Variants in CNKSR3 observed in about 807,000 individuals in gnomAD.
CNKSR3 encodes the protein CNKSR family member 3.
In CNKSR3, 36 loss-of-function variants were observed where a neutral mutation model predicts 67.7. The observed-to-expected ratio is 0.53, with a 90% CI of 0.41 to 0.70. The LOEUF is 0.70. Ranked by LOEUF, CNKSR3 falls within the 30% of genes least tolerant of loss-of-function variation. CNKSR3 has a pLI of 0.00. For missense variants in CNKSR3, 630 were observed against 695.2 expected (o/e 0.91, Z 1.05); for synonymous variants, 281 against 271.4 (o/e 1.04, Z -0.35).
intron 2 of CNKSR3, among the ~76,000 whole-genome samples, chr6:154,447,858 T>TTA (rs1785739217): frequency 6.6e-6 from 1 of 152,246 alleles, no homozygotes; most frequent in Non-Finnish European, 1.5e-5. Context: ...CATCACCAAT[T>TTA]TATATATCCA....
chr6:154,420,516 C>G (rs1439139222), intron 9 of CNKSR3, among the ~76,000 whole-genome samples: 1 of 151,210 alleles, frequency 6.6e-6, no homozygotes, highest in African/African-American at 2.4e-5. Flanking sequence ...GGTGAAACCC[C>G]GTCTCTACTA....
chr6:154,510,018 A>G, intron 1 of CNKSR3, 45 bp downstream of exon 1: 1 of 1,608,562 alleles, frequency 6.2e-7, no homozygotes, highest in East Asian at 2.2e-5. Flanking sequence ...CGTCCGCCCC[A>G]TCCCCGAGGC....
At chr6:154,447,241 AT>A (rs1582868226) in intron 2 of CNKSR3, among the ~76,000 whole-genome samples, 1 of 152,162 alleles carries the variant, frequency 6.6e-6, no homozygotes, top group East Asian at 1.9e-4. Flanking sequence ...GTGCTGTCCA[AT>A]ATCGTAGCCA....
At position 154,441,997 on chromosome 6, in the gene CNKSR3, T is replaced by C. The variant is rs1785601608; in HGVS notation, c.419+91A>G. On this transcript the variant is annotated intron_variant, in intron 3 of 12. Coordinates refer to ENST00000607772, the MANE Select transcript of CNKSR3 (RefSeq NM_173515.4). ...GGTAAAAATGATATGAAAAGAACAATGGTTCCTTTTCCTAAGACAAAGTAC... is the reference window on the plus strand; with the variant it reads ...GGTAAAAATGATATGAAAAGAACAACGGTTCCTTTTCCTAAGACAAAGTAC... 3.3e-6 allele frequency: 4 copies of C among 1,194,856 alleles called. No individual in the cohort carries two copies. In the Admixed American group the frequency reaches 1.0e-4, roughly 31 times the overall value. The allele number at this position is 1,194,856 out of a possible 1,614,324, so 74.0% of individuals were successfully genotyped here. A position where few individuals can be genotyped will look rare whatever the true frequency, so the allele number is the denominator to read the frequency against.
At chr6:154,451,308 T>A (rs1785820959) in intron 1 of CNKSR3, among the ~76,000 whole-genome samples, 1 of 152,238 alleles carries the variant, frequency 6.6e-6, no homozygotes, top group African/African-American at 2.4e-5. Context: ...AATCAATTGA[T>A]CTATTGAAGC....
At chr6:154,485,144 T>C (rs1786642328) in intron 1 of CNKSR3, among the ~76,000 whole-genome samples, 1 of 152,214 alleles carries the variant, frequency 6.6e-6, no homozygotes, top group Non-Finnish European at 1.5e-5. Flanking sequence ...TAAAATATGA[T>C]GTACATGAAT....
At chr6:154,427,985 A>T in intron 7 of CNKSR3, 143 bp downstream of exon 7, 1 of 632,742 alleles carries the variant, frequency 1.6e-6, no homozygotes, top group Non-Finnish European at 2.9e-6. Flanking sequence ...GCAGTACTCT[A>T]TCAACAGAAA....
intron 1 of CNKSR3, among the ~76,000 whole-genome samples, chr6:154,454,104 C>G (rs113014210): frequency 0.059 from 6,791 of 114,920 alleles, 214 homozygotes; most frequent in East Asian, 0.11. Context: ...CACACACACA[C>G]AGAGAGAGAG....
intron 1 of CNKSR3, among the ~76,000 whole-genome samples, chr6:154,454,375 A>G (rs1277182828): frequency 1.3e-5 from 2 of 152,090 alleles, no homozygotes; most frequent in Admixed American, 1.3e-4. Context: ...CAGGTCCTCA[A>G]TTTTCTAAAT....
rs1393506118 is a variant in CNKSR3, at chr6:154,390,936, G to T, written c.*15418C>A. ...CTGCCTCAGCCTCCCAAGTAGCTGG[G>T]ATTACAGGCACATGCCACCACGCCC... On this transcript the variant is annotated 3_prime_UTR_variant, in exon 13 of 13. Coordinates refer to ENST00000607772, the MANE Select transcript of CNKSR3 (RefSeq NM_173515.4). The T allele has an allele frequency of 6.6e-6, 1 of 151,808 alleles. No homozygotes were observed. Among genetic ancestry groups the T allele is most frequent in the African/African-American group, 2.4e-5 (1 of 41,230 alleles). The allele number at this position is 151,808 out of a possible 1,614,324, so 9.4% of individuals were successfully genotyped here.
chr6:154,465,068 G>A (rs1052261257), intron 1 of CNKSR3, among the ~76,000 whole-genome samples: 1 of 151,294 alleles, frequency 6.6e-6, no homozygotes, highest in Non-Finnish European at 1.5e-5. Context: ...TTGAACCTGG[G>A]AGGCGGAGGT....
intron 9 of CNKSR3, among the ~76,000 whole-genome samples, chr6:154,415,789 G>C (rs1403126103): frequency 1.3e-5 from 2 of 152,168 alleles, no homozygotes; most frequent in Non-Finnish European, 2.9e-5. Flanking sequence ...GGCTGAGTTT[G>C]AACTATGATA....
chr6:154,412,216 C>T (rs775277763), intron 10 of CNKSR3, among the ~76,000 whole-genome samples: 2 of 152,220 alleles, frequency 1.3e-5, no homozygotes, highest in Non-Finnish European at 2.9e-5. Flanking sequence ...AAATATATCT[C>T]CTTCCATACC....
intron 9 of CNKSR3, 95 bp downstream of exon 9, chr6:154,422,411 C>A: frequency 8.0e-7 from 1 of 1,250,516 alleles, no homozygotes; most frequent in Non-Finnish European, 1.1e-6. Context: ...CTCCTGAAAC[C>A]AATCAATCAC....
rs1784634878 is a variant in CNKSR3 at position 154,394,145 on chromosome 6, A to G, written c.*12209T>C. 6.6e-6 allele frequency: 1 copy of G among 152,236 alleles called. No homozygotes were observed. Among genetic ancestry groups the G allele is most frequent in the African/African-American group, 2.4e-5 (1 of 41,450 alleles). The allele number at this position is 152,236 out of a possible 1,614,324, so 9.4% of individuals were successfully genotyped here. A position where few individuals can be genotyped will look rare whatever the true frequency, so the allele number is the denominator to read the frequency against. ...GCGATTATCCCACCTCAGCCTCCCA[A>G]ATAGCTGGGACCACAGGTGTACACC... On this transcript the variant is annotated 3_prime_UTR_variant, in exon 13 of 13. Coordinates refer to ENST00000607772, the MANE Select transcript of CNKSR3 (RefSeq NM_173515.4).
intron 1 of CNKSR3, among the ~76,000 whole-genome samples, chr6:154,465,038 G>A (rs904775563): frequency 1.3e-5 from 2 of 151,524 alleles, no homozygotes; most frequent in African/African-American, 4.9e-5. Context: ...CTACTCGGGA[G>A]GCTGAGGCAG....
intron 9 of CNKSR3, among the ~76,000 whole-genome samples, chr6:154,422,241 C>T (rs530523593): frequency 6.6e-6 from 1 of 152,310 alleles, no homozygotes; most frequent in African/African-American, 2.4e-5. Flanking sequence ...ATCCGCCCGC[C>T]TCAGCCTCCC....
At chr6:154,505,376 G>T (rs1015973852) in intron 1 of CNKSR3, among the ~76,000 whole-genome samples, 2 of 151,620 alleles carry the variant, frequency 1.3e-5, no homozygotes, top group African/African-American at 4.8e-5. Flanking sequence ...CTTGGTTGGT[G>T]ATGGGGACTG....
chr6:154,427,970 G>C lies in CNKSR3; in HGVS notation c.729+158C>G, dbSNP rs145110982. On this transcript the variant is annotated intron_variant, in intron 7 of 12. Transcript: ENST00000607772. Reference sequence around the variant, plus strand: ...AAATAATAGATTGACAACAGCTGGTGACAAGCAGTACTCTATCAACAGAAA... The same window carrying C: ...AAATAATAGATTGACAACAGCTGGTCACAAGCAGTACTCTATCAACAGAAA... Among the ~76,000 whole-genome samples the C allele has an allele frequency of 2.4e-3, 364 of 152,292 alleles. 1 individual carries two copies. The highest frequency in any genetic ancestry group is 8.4e-3 in the African/African-American group (348 of 41,550).
Sources: allele counts gnomAD v4.1 joint callset (sites outside exome capture counted in the v4.1 genomes callset), GRCh38; gene constraint gnomAD v4.1.1; transcripts MANE v1.5; gene names NCBI Gene and HGNC (gene_info 2026-07-23, HGNC 2026-07-21).